The following CEP85L variants were observed in gnomAD, a reference collection of about 807,000 sequenced individuals.
CEP85L encodes centrosomal protein of 85 kDa-like.
Under a neutral mutation model 100.3 loss-of-function variants are expected in CEP85L, and 60 were observed. That is an observed-to-expected ratio of 0.60 (90% CI 0.49 to 0.74). The LOEUF (loss-of-function observed/expected upper bound fraction) is 0.74. CEP85L is among the 30% of genes least tolerant of loss of function. The pLI is 0.00. For synonymous variants in CEP85L, 319 were observed against 322.7 expected (o/e 0.99, Z 0.12); for missense variants, 973 against 936.2 (o/e 1.04, Z -0.51).
At chr6:118,647,065 G>A in intron 1 of CEP85L, 1 of 985,338 alleles carries the variant, frequency 1.0e-6, no homozygotes, top group African/African-American at 1.7e-5. Flanking sequence ...ATGTTCAGTT[G>A]GGTTTAGGCC....
chr6:118,489,484 T>A (rs1774409357), intron 6 of CEP85L, among the ~76,000 whole-genome samples: 1 of 152,130 alleles, frequency 6.6e-6, no homozygotes, highest in Non-Finnish European at 1.5e-5. Context: ...ACCTCATGTA[T>A]AACCAAATCC....
At chr6:118,567,314 T>TA (rs1779612794) in intron 2 of CEP85L, among the ~76,000 whole-genome samples, 1 of 145,026 alleles carries the variant, frequency 6.9e-6, no homozygotes, top group Non-Finnish European at 1.5e-5. Context: ...GCTAGAACCT[T>TA]AGAGTCTACT....
chr6:118,576,097 A>G (rs1780215319), intron 2 of CEP85L, among the ~76,000 whole-genome samples: 1 of 151,494 alleles, frequency 6.6e-6, no homozygotes, highest in Admixed American at 6.6e-5. Context: ...GGGAAAGTAG[A>G]AAAAAAAATG....
intron 2 of CEP85L, among the ~76,000 whole-genome samples, chr6:118,570,285 TTTG>T (rs1246162247): frequency 6.6e-6 from 1 of 152,198 alleles, no homozygotes; most frequent in Non-Finnish European, 1.5e-5. Context: ...GCAAAGGTAT[TTTG>T]TTGTTCTGTG....
chr6:118,690,881 C>T (rs1012801216), intron 1 of CEP85L, among the ~76,000 whole-genome samples: 3 of 151,730 alleles, frequency 2.0e-5, no homozygotes, highest in Non-Finnish European at 4.4e-5. Context: ...CTCTGTGGTC[C>T]CAGCTACTCG....
At chr6:118,470,502 T>TC (rs1772871957) in intron 11 of CEP85L, 35 bp downstream of exon 11, 2 of 1,303,032 alleles carry the variant, frequency 1.5e-6, no homozygotes, top group African/African-American at 3.0e-5. Flanking sequence ...TAGTGAATCA[T>TC]CCTTTCAAAG....
intron 3 of CEP85L, among the ~76,000 whole-genome samples, chr6:118,544,784 T>C (rs1778100946): frequency 6.6e-6 from 1 of 152,224 alleles, no homozygotes; most frequent in Non-Finnish European, 1.5e-5. Flanking sequence ...TATAGGTTAC[T>C]TTATCACTGG....
At chr6:118,627,356 A>T (rs561786509) in intron 2 of CEP85L, among the ~76,000 whole-genome samples, 1 of 152,360 alleles carries the variant, frequency 6.6e-6, no homozygotes, top group South Asian at 2.1e-4. Context: ...TTTTCAGGCC[A>T]GCATGTGAGA....
At chr6:118,478,302 A>C (rs1773536449) in intron 10 of CEP85L, among the ~76,000 whole-genome samples, 1 of 152,126 alleles carries the variant, frequency 6.6e-6, no homozygotes, top group Non-Finnish European at 1.5e-5. Context: ...TGTCTTTTTA[A>C]ATGATGAGGG....
intron 1 of CEP85L, among the ~76,000 whole-genome samples, chr6:118,683,133 G>A (rs925296436): frequency 6.6e-6 from 1 of 152,150 alleles, no homozygotes; most frequent in Admixed American, 6.5e-5. Flanking sequence ...AAATCACAAA[G>A]GTGTGTATTT....
chr6:118,555,232 C>A (rs1288319689), intron 3 of CEP85L, among the ~76,000 whole-genome samples: 2 of 151,996 alleles, frequency 1.3e-5, no homozygotes, highest in Non-Finnish European at 2.9e-5. Context: ...GAGATCGAGA[C>A]CATCCTGGCT....
At chr6:118,541,674 T>G (rs1455241233) in intron 3 of CEP85L, among the ~76,000 whole-genome samples, 1 of 152,128 alleles carries the variant, frequency 6.6e-6, no homozygotes, top group Non-Finnish European at 1.5e-5. Context: ...GTTGATATTA[T>G]CAAAGTCTTT....
Position 118,523,808 on chromosome 6 carries a change from A to G in CEP85L, c.1133T>C (p.Ile378Thr). Residue 378 changes from isoleucine to threonine, a missense_variant, in exon 4 of 13, where the codon ATC becomes ACC. Physicochemically the swap from Ile to Thr is moderately conservative, Grantham distance 89. Around this residue, in one of 3 missense-constraint regions of CEP85L, gnomAD observed 890 missense variants for 844.5 expected, o/e 1.05. Coordinates refer to ENST00000368491, the MANE Select transcript of CEP85L (RefSeq NM_001042475.3). Reference protein sequence around the residue: ...EGLLRQKEIVIDRQKQQITHL... With the variant: ...EGLLRQKEIVTDRQKQQITHL... ...TAATTTAAAATAGACTCACCGATCG[A>G]TTACAATTTCTTTCTGCCTTAGAAG... 1 of 1,475,824 alleles carries G rather than the reference A, an allele frequency of 6.8e-7. No homozygotes were observed. Among genetic ancestry groups the G allele is most frequent in the African/African-American group, 1.4e-5 (1 of 71,910 alleles). 91.4% of individuals were successfully genotyped at this position (1,475,824 alleles called of 1,614,324 possible).
intron 3 of CEP85L, among the ~76,000 whole-genome samples, chr6:118,526,019 C>A (rs1776941259): frequency 6.6e-6 from 1 of 152,166 alleles, no homozygotes; most frequent in Non-Finnish European, 1.5e-5. Context: ...ATGTTTCATG[C>A]AGGAGACAGG....
At chr6:118,605,612 GAAAAGAGGGTTTTTTCCCTA>G in intron 2 of CEP85L, among the ~76,000 whole-genome samples, 1 of 152,282 alleles carries the variant, frequency 6.6e-6, no homozygotes, top group East Asian at 1.9e-4. Context: ...GTTTCATGAG[GAAAAGAGGGTTTTTTCCCTA>G]AACAGGGTCT....
At chr6:118,642,296 C>CA (rs899872730) in intron 1 of CEP85L, among the ~76,000 whole-genome samples, 23 of 151,638 alleles carry the variant, frequency 1.5e-4, no homozygotes, top group East Asian at 3.9e-4. Context: ...TAAAATGTGT[C>CA]AAAAAAATAA....
intron 1 of CEP85L, among the ~76,000 whole-genome samples, chr6:118,643,631 TTTAA>T (rs1429752974): frequency 6.6e-6 from 1 of 152,200 alleles, no homozygotes; most frequent in African/African-American, 2.4e-5. Flanking sequence ...TATCAACGAC[TTTAA>T]TTAATTTAGC....
At position 118,600,300 on chromosome 6, in the gene CEP85L, GGTGTGTGTGTGTGTGTGTGTGTGTGTGT is replaced by G. The variant is rs59278037; in HGVS notation, c.232+32125_232+32152del. Among the ~76,000 whole-genome samples, 41 of 52,246 alleles carry G rather than the reference GGTGTGTGTGTGTGTGTGTGTGTGTGTGT, an allele frequency of 7.8e-4. 2 individuals are homozygous for G. In the East Asian group the frequency reaches 0.021, roughly 27 times the overall value. 34.3% of individuals were successfully genotyped at this position (52,246 alleles called of 152,430 possible). Reference sequence around the variant, plus strand: ...CTGCCTGTCCCTGAGCCTTCCTGGGGGTGTGTGTGTGTGTGTGTGTGTGTGTGTGTGTGTGTGTGTGTGTGTGTGTGTG... The same window carrying G: ...CTGCCTGTCCCTGAGCCTTCCTGGGGGTGTGTGTGTGTGTGTGTGTGTGTG... On this transcript the variant is annotated intron_variant, in intron 2 of 12. Coordinates refer to ENST00000368491, the MANE Select transcript of CEP85L (RefSeq NM_001042475.3).
chr6:118,658,483 G>A (rs539167534), intron 1 of CEP85L, among the ~76,000 whole-genome samples: 10 of 152,148 alleles, frequency 6.6e-5, no homozygotes, highest in South Asian at 2.1e-4. Flanking sequence ...TTGTCCTGCC[G>A]TCCTTATAAT....
Sources: gnomAD v4.1 joint callset for allele counts (sites outside exome capture counted in the v4.1 genomes callset) on GRCh38, gnomAD v4.1.1 for gene constraint, gnomAD v4.1.1 regional missense constraint, MANE v1.5 for transcripts, NCBI Gene and HGNC (gene_info 2026-07-23, HGNC 2026-07-21) for gene names.